FANCL: variants seen among roughly 807,000 people sequenced by gnomAD.
The protein encoded by FANCL is E3 ubiquitin-protein ligase FANCL.
In FANCL, 69 loss-of-function variants were observed where a neutral mutation model predicts 59.4. The ratio of observed to expected loss-of-function variants is 1.16; its 90% CI spans 0.96 to 1.42. The LOEUF (loss-of-function observed/expected upper bound fraction) is 1.42. Among genes scored for constraint, FANCL ranks in the 40% most tolerant of loss-of-function variants. The pLI, the probability that FANCL is intolerant of heterozygous loss-of-function variation, is 0.00. For synonymous variants in FANCL, 180 were observed against 147.1 expected (o/e 1.22, Z -1.62); for missense variants, 519 against 447.2 (o/e 1.16, Z -1.45).
rs370670536 is a variant in FANCL, at chr2:58,172,907, C to G, written c.541-7033G>C. On this transcript the variant is annotated intron_variant, in intron 7 of 13. Coordinates refer to ENST00000233741, the MANE Select transcript of FANCL (RefSeq NM_018062.4). Reference sequence around the variant, plus strand: ...ACTTTGAAAAAAATTTAGACGAATGCATAACTAGAATAACCAATACAGAGA... The same window carrying G: ...ACTTTGAAAAAAATTTAGACGAATGGATAACTAGAATAACCAATACAGAGA... Among the ~76,000 whole-genome samples, 34 of 152,212 alleles carry G rather than the reference C, an allele frequency of 2.2e-4. No homozygotes were observed. In the East Asian group the frequency reaches 4.2e-3, roughly 19 times the overall value.
rs1408299596 is a variant in FANCL at position 58,211,733 on chromosome 2, T to C, written c.375-7507A>G. ...GATACCCTAAATCATCTCTCTCAAG[T>C]TCATAGTTCCACATATCTCTAGGGC... On this transcript the variant is annotated intron_variant, in intron 5 of 13. Coordinates refer to ENST00000233741, the MANE Select transcript of FANCL (RefSeq NM_018062.4). Among the ~76,000 whole-genome samples the C allele has an allele frequency of 2.0e-5, 3 of 152,338 alleles. No individual in the cohort carries two copies. The East Asian group carries it at 5.8e-4, about 29-fold the overall frequency.
chr2:58,198,188 G>A (rs928282438), intron 7 of FANCL, among the ~76,000 whole-genome samples: 1 of 152,044 alleles, frequency 6.6e-6, no homozygotes, highest in African/African-American at 2.4e-5. Context: ...ATAAATAAAT[G>A]CTTAAGGAAA....
At chr2:58,175,005 C>T (rs572552754) in intron 7 of FANCL, among the ~76,000 whole-genome samples, 2 of 152,056 alleles carry the variant, frequency 1.3e-5, no homozygotes, top group Non-Finnish European at 2.9e-5. Flanking sequence ...ACTATAAACA[C>T]CTCTATGCAA....
intron 5 of FANCL, among the ~76,000 whole-genome samples, chr2:58,206,013 ATTATAG>A (rs1326167438): frequency 6.6e-6 from 1 of 152,148 alleles, no homozygotes; most frequent in Non-Finnish European, 1.5e-5. Flanking sequence ...AAAAGACTTA[ATTATAG>A]TTATAGAGAC....
At chr2:58,234,567 A>G (rs1209138591) in intron 1 of FANCL, among the ~76,000 whole-genome samples, 2 of 151,890 alleles carry the variant, frequency 1.3e-5, no homozygotes, top group South Asian at 2.1e-4. Flanking sequence ...GAAAAATAAA[A>G]TAGTAGAAAA....
chr2:58,213,162 G>A (rs1691348068), intron 5 of FANCL, among the ~76,000 whole-genome samples: 1 of 152,150 alleles, frequency 6.6e-6, no homozygotes, highest in East Asian at 1.9e-4. Context: ...ACAGAGTCTA[G>A]AAATCATTAA....
intron 2 of FANCL, among the ~76,000 whole-genome samples, chr2:58,230,569 T>A (rs946319036): frequency 6.6e-6 from 1 of 152,208 alleles, no homozygotes; most frequent in Non-Finnish European, 1.5e-5. Context: ...ATTAAGTAAC[T>A]CTTCTAAGGA....
intron 5 of FANCL, among the ~76,000 whole-genome samples, chr2:58,218,610 T>C (rs1246651998): frequency 9.4e-5 from 14 of 149,326 alleles, no homozygotes; most frequent in Non-Finnish European, 1.5e-5. Flanking sequence ...GAGTGAAGCC[T>C]ATAAAGGCAA....
intron 8 of FANCL, among the ~76,000 whole-genome samples, chr2:58,165,250 A>G (rs530107619): frequency 1.1e-4 from 17 of 152,210 alleles, no homozygotes; most frequent in African/African-American, 4.1e-4. Context: ...AAAACTATAA[A>G]TTCTTTCTCT....
intron 7 of FANCL, among the ~76,000 whole-genome samples, chr2:58,197,390 C>T (rs1047080171): frequency 3.9e-5 from 6 of 151,958 alleles, no homozygotes; most frequent in African/African-American, 7.2e-5. Context: ...CCTCCATTTA[C>T]GGAATATTTG....
chr2:58,217,136 T>TAAGGTTTTAACAGTTGAA, intron 5 of FANCL, among the ~76,000 whole-genome samples: 1 of 96,860 alleles, frequency 1.0e-5, no homozygotes, highest in African/African-American at 3.1e-5. Flanking sequence ...TATATTTTTA[T>TAAGGTTTTAACAGTTGAA]ATATAGATTT....
At chr2:58,215,281 C>T (rs1159336451) in intron 5 of FANCL, among the ~76,000 whole-genome samples, 1 of 152,148 alleles carries the variant, frequency 6.6e-6, no homozygotes, top group Admixed American at 6.5e-5. Context: ...CATTGTTATG[C>T]TTAATTTTAT....
intron 11 of FANCL, 101 bp from the exon 12 acceptor site, chr2:58,161,739 G>A (rs1037085366): frequency 1.3e-6 from 1 of 746,386 alleles, no homozygotes; most frequent in Non-Finnish European, 2.4e-6. Flanking sequence ...CATGTATACA[G>A]TGTTTAATGA....
intron 7 of FANCL, among the ~76,000 whole-genome samples, chr2:58,191,840 G>A (rs142326597): frequency 9.2e-5 from 14 of 151,958 alleles, no homozygotes; most frequent in Admixed American, 7.2e-4. Context: ...CATTTGTACA[G>A]CATTTTACAA....
At chr2:58,229,191 T>G (rs1285106246) in intron 3 of FANCL, among the ~76,000 whole-genome samples, 1 of 152,168 alleles carries the variant, frequency 6.6e-6, no homozygotes, top group Middle Eastern at 3.4e-3. Flanking sequence ...AACACACAAA[T>G]GCATAAAGCA....
intron 7 of FANCL, among the ~76,000 whole-genome samples, chr2:58,197,859 G>A (rs1471506413): frequency 6.6e-6 from 1 of 152,172 alleles, no homozygotes; most frequent in Non-Finnish European, 1.5e-5. Flanking sequence ...CTGATATTAT[G>A]TAATCAATGT....
chr2:58,186,602 A>T lies in FANCL; in HGVS notation c.540+11992T>A, dbSNP rs373384384. On this transcript the variant is annotated intron_variant, in intron 7 of 13. Coordinates refer to ENST00000233741, the MANE Select transcript of FANCL (RefSeq NM_018062.4). The stretch of plus-strand genomic sequence containing the variant: ...ATTCCTGTCCAAGAACCAGAATGCA[A>T]GAGCATTTTTTTCCGGCTTCCATGC... Among the ~76,000 whole-genome samples, 51 of 152,346 alleles carry T rather than the reference A, an allele frequency of 3.3e-4. 1 individual carries two copies. The East Asian group carries it at 5.6e-3, about 17-fold the overall frequency.
rs776270094 is a variant in FANCL at position 58,231,580 on chromosome 2, T to C, written c.155+474A>G. On this transcript the variant is annotated intron_variant, in intron 2 of 13. Coordinates refer to ENST00000233741, the MANE Select transcript of FANCL (RefSeq NM_018062.4). ...TCTCCAGAAATATTTAGAGGCAGAA[T>C]TGAGATTTGGGGTGGTACCTAAATT... Among the ~76,000 whole-genome samples the C allele has an allele frequency of 5.8e-4, 88 of 152,166 alleles. 1 individual carries two copies. Among genetic ancestry groups the C allele is most frequent in the Non-Finnish European group, 1.1e-3 (75 of 68,026 alleles).
chr2:58,196,462 T>C (rs1316511896), intron 7 of FANCL, among the ~76,000 whole-genome samples: 1 of 152,056 alleles, frequency 6.6e-6, no homozygotes, highest in African/African-American at 2.4e-5. Context: ...CACTCATTAC[T>C]ACGAATTCTA....
Sources: allele counts gnomAD v4.1 joint callset (sites outside exome capture counted in the v4.1 genomes callset), GRCh38; gene constraint gnomAD v4.1.1; transcripts MANE v1.5; gene names NCBI Gene and HGNC (gene_info 2026-07-23, HGNC 2026-07-21).